The following RSU1 variants were observed in gnomAD, a reference collection of about 807,000 sequenced individuals.
RSU1 encodes rsu-1.
A neutral mutation model predicts 31.1 loss-of-function variants in RSU1; 26 were observed. That is an observed-to-expected ratio of 0.84 (90% CI 0.61 to 1.16). The LOEUF (loss-of-function observed/expected upper bound fraction) is 1.16, where lower values mean the gene tolerates loss of function less well. RSU1 is among the 50% of genes most tolerant of loss of function. The pLI, the probability that RSU1 is intolerant of heterozygous loss-of-function variation, is 0.00. For synonymous variants in RSU1, 164 were observed against 136.3 expected (o/e 1.20, Z -1.41); for missense variants, 320 against 339.1 (o/e 0.94, Z 0.44).
chr10:16,691,034 TAA>T (rs1239115239), intron 8 of RSU1, among the ~76,000 whole-genome samples: 1 of 152,156 alleles, frequency 6.6e-6, no homozygotes, highest in Non-Finnish European at 1.5e-5. Context: ...GGAACTATAA[TAA>T]GTTTTAGACT....
chr10:16,602,350 G>A (rs1017948923), intron 8 of RSU1, among the ~76,000 whole-genome samples: 1 of 152,106 alleles, frequency 6.6e-6, no homozygotes, highest in African/African-American at 2.4e-5. Flanking sequence ...ATTCACTGTC[G>A]CAACAACCCA....
At chr10:16,788,277 A>T (rs1402332520) in intron 2 of RSU1, among the ~76,000 whole-genome samples, 1 of 152,100 alleles carries the variant, frequency 6.6e-6, no homozygotes, top group Non-Finnish European at 1.5e-5. Context: ...GCCATCCCCT[A>T]TGCATGGCTC....
intron 8 of RSU1, among the ~76,000 whole-genome samples, chr10:16,629,233 A>AT (rs1834208031): frequency 6.6e-6 from 1 of 152,126 alleles, no homozygotes; most frequent in Non-Finnish European, 1.5e-5. Context: ...ATTTCTGACA[A>AT]GTTACCAGGT....
chr10:16,674,788 G>T (rs373744354), intron 8 of RSU1, among the ~76,000 whole-genome samples: 334 of 152,222 alleles, frequency 2.2e-3, no homozygotes, highest in African/African-American at 7.6e-3. Flanking sequence ...TCCCAGCACT[G>T]TGGGAGGCCG....
intron 8 of RSU1, among the ~76,000 whole-genome samples, chr10:16,680,372 G>A (rs966602045): frequency 6.6e-6 from 1 of 152,006 alleles, no homozygotes; most frequent in East Asian, 1.9e-4. Context: ...TAAAAAAATA[G>A]TAAGAAGAAG....
intron 8 of RSU1, among the ~76,000 whole-genome samples, chr10:16,645,293 T>C (rs1299595909): frequency 6.6e-6 from 1 of 152,212 alleles, no homozygotes; most frequent in Non-Finnish European, 1.5e-5. Flanking sequence ...AGGTGAGATT[T>C]AGTACCAAAG....
intron 7 of RSU1, among the ~76,000 whole-genome samples, chr10:16,706,832 G>C (rs527314990): frequency 6.6e-6 from 1 of 152,144 alleles, no homozygotes; most frequent in South Asian, 2.1e-4. Flanking sequence ...TATTCCTACT[G>C]TCTAAATGTA....
intron 3 of RSU1, among the ~76,000 whole-genome samples, chr10:16,775,704 T>C (rs1191600105): frequency 6.6e-6 from 1 of 152,202 alleles, no homozygotes; most frequent in Non-Finnish European, 1.5e-5. Flanking sequence ...CATGCCCAAC[T>C]GCCAGTGCTT....
At chr10:16,600,264 C>T (rs974242818) in intron 8 of RSU1, among the ~76,000 whole-genome samples, 2 of 152,054 alleles carry the variant, frequency 1.3e-5, no homozygotes, top group South Asian at 2.1e-4. Context: ...TGGGAGTGGG[C>T]GCTGCCCTGA....
At chr10:16,783,365 T>TTTTTTTTTTTTTTTTTTTTTTTTTTC (rs1837698607) in intron 2 of RSU1, among the ~76,000 whole-genome samples, 1 of 68,742 alleles carries the variant, frequency 1.5e-5, no homozygotes, top group African/African-American at 1.8e-4. Flanking sequence ...CAACTTTTGC[T>TTTTTTTTTTTTTTTTTTTTTTTTTTC]TTTTTTTTTG....
chr10:16,631,859 C>T (rs532811029), intron 8 of RSU1, among the ~76,000 whole-genome samples: 1 of 152,240 alleles, frequency 6.6e-6, no homozygotes, highest in Admixed American at 6.5e-5. Flanking sequence ...AGGGGGCACC[C>T]CAGAAATGTT....
intron 4 of RSU1, among the ~76,000 whole-genome samples, chr10:16,762,605 G>A (rs1338690662): frequency 6.6e-6 from 1 of 151,832 alleles, no homozygotes; most frequent in East Asian, 1.9e-4. Flanking sequence ...GCTGCCCATG[G>A]ATCTCATAAA....
At chr10:16,694,000 C>T (rs1835620977) in intron 8 of RSU1, among the ~76,000 whole-genome samples, 1 of 151,926 alleles carries the variant, frequency 6.6e-6, no homozygotes, top group African/African-American at 2.4e-5. Flanking sequence ...CATTTGGGGT[C>T]AGGCAAGTAT....
intron 2 of RSU1, 109 bp downstream of exon 2, chr10:16,816,864 G>C (rs1262959718): frequency 2.7e-6 from 2 of 753,392 alleles, no homozygotes; most frequent in East Asian, 5.1e-5. Context: ...TTACAAGCAG[G>C]GGCTGGGGTC....
Position 16,754,899 on chromosome 10 carries a change from A to G in RSU1, c.372T>C (p.Asn124=), listed in dbSNP as rs778878916. The change falls in exon 5 of 9, where the codon AAT becomes AAC. Residue 124 remains asparagine (N), a synonymous_variant. Transcript: ENST00000345264. ...LDLTYNNLSE[N]SLPGNFFYLT... The stretch of plus-strand genomic sequence containing the variant: ...GGTAGAAGAAGTTTCCAGGAAGAGA[A>G]TTTTCGCTCAAGTTGTTGTACGTCA... 6.8e-6 allele frequency: 11 copies of G among 1,612,010 alleles called. No individual in the cohort carries two copies. In the East Asian group the frequency reaches 2.5e-4, roughly 36 times the overall value.
intron 7 of RSU1, among the ~76,000 whole-genome samples, chr10:16,719,567 T>G (rs1282509917): frequency 6.6e-6 from 1 of 152,218 alleles, no homozygotes; most frequent in African/African-American, 2.4e-5. Context: ...TTATTTTAGT[T>G]TCTCCCAGAA....
chr10:16,682,333 G>A (rs984747519), intron 8 of RSU1, among the ~76,000 whole-genome samples: 6 of 152,066 alleles, frequency 3.9e-5, no homozygotes, highest in African/African-American at 9.7e-5. Context: ...TTATAGTTAC[G>A]GGAACAGACT....
intron 8 of RSU1, among the ~76,000 whole-genome samples, chr10:16,669,827 C>T (rs535281104): frequency 1.3e-5 from 2 of 152,290 alleles, no homozygotes; most frequent in African/African-American, 4.8e-5. Flanking sequence ...TCCAGTCTAT[C>T]ACTGATGGGC....
chr10:16,752,643 C>T lies in RSU1; in HGVS notation c.494G>A (p.Arg165Lys), dbSNP rs1837002971. 7 of 1,613,278 alleles carry T rather than the reference C, an allele frequency of 4.3e-6. No individual in the cohort carries two copies. Among genetic ancestry groups the T allele is most frequent in the Non-Finnish European group, 5.9e-6 (7 of 1,179,346 alleles). ...AGGCAGCGAGATCAGGTCGTTATCC[C>T]TAAGGCTGAGCTAAACAGAAGAAAA... is the stretch of plus-strand genomic sequence containing the variant. ...KLTKLQILSL[R>K]DNDLISLPKE... The change falls in exon 7 of 9, where the codon AGG becomes AAG. Residue 165 changes from arginine (R) to lysine (K), a missense_variant. Arg to Lys is a conservative substitution (Grantham distance 26). Transcript: ENST00000345264.
Sources: allele counts gnomAD v4.1 joint callset (sites outside exome capture counted in the v4.1 genomes callset), GRCh38; gene constraint gnomAD v4.1.1; transcripts MANE v1.5; gene names NCBI Gene and HGNC (gene_info 2026-07-23, HGNC 2026-07-21).